Variants in IL31RA observed in about 807,000 individuals in gnomAD.
IL31RA encodes the protein interleukin-31 receptor subunit alpha.
Under a neutral mutation model 83.7 loss-of-function variants are expected in IL31RA, and 66 were observed. That is an observed-to-expected ratio of 0.79 (90% confidence interval 0.65 to 0.97). The LOEUF (loss-of-function observed/expected upper bound fraction) is 0.97. Among genes scored for constraint, IL31RA ranks in the 50% least tolerant of loss-of-function variants. IL31RA has a pLI of 0.00. For synonymous variants in IL31RA, 325 were observed against 329.0 expected, an observed-to-expected ratio of 0.99 and a Z score of 0.13; for missense variants, 798 against 919.4, an observed-to-expected ratio of 0.87 and a Z score of 1.71.
intron 5 of IL31RA, among the ~76,000 whole-genome samples, chr5:55,888,657 A>C (rs919882236): frequency 6.6e-6 from 1 of 152,204 alleles, no homozygotes; most frequent in African/African-American, 2.4e-5. Context: ...CTTTCCTGGC[A>C]GTCTTAATCC....
At chr5:55,870,019 C>T (rs1746419113) in intron 3 of IL31RA, among the ~76,000 whole-genome samples, 1 of 152,112 alleles carries the variant, frequency 6.6e-6, no homozygotes, top group Non-Finnish European at 1.5e-5. Flanking sequence ...CTACGAGAAC[C>T]TATGTCAGAG....
At chr5:55,895,630 C>A (rs1379254703) in intron 6 of IL31RA, among the ~76,000 whole-genome samples, 1 of 152,168 alleles carries the variant, frequency 6.6e-6, no homozygotes, top group Admixed American at 6.5e-5. Flanking sequence ...TGCTTTTGCT[C>A]TATTGGGATT....
At chr5:55,904,498 G>A (rs1353138354) in intron 8 of IL31RA, among the ~76,000 whole-genome samples, 2 of 152,204 alleles carry the variant, frequency 1.3e-5, no homozygotes, top group East Asian at 1.9e-4. Context: ...CTAGGGTTAG[G>A]TGGGGTCAAT....
chr5:55,841,883 A>G, the IL31RA span, among the ~76,000 whole-genome samples: 1 of 151,838 alleles, frequency 6.6e-6, no homozygotes, highest in East Asian at 1.9e-4. Context: ...CAAAATCAAG[A>G]TGTCAGCAGT....
At chr5:55,872,513 A>G (rs1188360245) in intron 4 of IL31RA, 62 bp downstream of exon 4, 9 of 1,204,704 alleles carry the variant, frequency 7.5e-6, no homozygotes, top group Non-Finnish European at 1.1e-5. Flanking sequence ...TCTCTGTTCA[A>G]GAGGTATCTG....
In IL31RA at chr5:55,903,348, A is replaced by C. The variant is rs1396669044; in HGVS notation, c.1070-2758A>C. Among the ~76,000 whole-genome samples, 1 of 152,212 alleles carries C rather than the reference A, an allele frequency of 6.6e-6. No homozygotes were observed. Among genetic ancestry groups the C allele is most frequent in the Non-Finnish European group, 1.5e-5 (1 of 68,028 alleles). ...AGATCACAAGAAATCAATGGCTTTC[A>C]CAGTCAAAGCCCCTCCCTGCTTCTT... On this transcript the variant is annotated intron_variant, in intron 8 of 14. Transcript: ENST00000652347. The surrounding 1 kb of genome is among the most constrained non-coding windows in gnomAD (Gnocchi z 4.7).
upstream of IL31RA, among the ~76,000 whole-genome samples, chr5:55,847,536 C>T (rs1217370715): frequency 6.6e-6 from 1 of 152,024 alleles, no homozygotes; most frequent in East Asian, 1.9e-4. Context: ...GAGCCAAGAT[C>T]GCACCACTAC....
chr5:55,855,153 A>T (rs934482516), intron 1 of IL31RA, among the ~76,000 whole-genome samples: 2 of 151,512 alleles, frequency 1.3e-5, no homozygotes, highest in Non-Finnish European at 2.9e-5. Flanking sequence ...GCCATTTTTT[A>T]TTTTTTTATT....
rs75042965 is a variant in IL31RA, at chr5:55,885,775, C to T, written c.606+2580C>T. ...TCTAAGCCAGCTCTGGAACCATTCT[C>T]TTTGAACCTGCCTACATGGAACATT... is the stretch of plus-strand genomic sequence containing the variant. On this transcript the variant is annotated intron_variant, in intron 5 of 14. Transcript: ENST00000652347. 8.9e-3 allele frequency among the ~76,000 whole-genome samples: 1,351 copies of T among 152,294 alleles called. 10 individuals carry two copies. The highest frequency in any genetic ancestry group is 0.014 in the Non-Finnish European group (968 of 68,024).
At position 55,918,468 on chromosome 5, in the gene IL31RA, AT is replaced by A. The variant is rs1749918872; in HGVS notation, c.*1351del. Among the ~76,000 whole-genome samples the A allele has an allele frequency of 6.6e-6, 1 of 152,088 alleles. No homozygotes were observed. On this transcript the variant is annotated 3_prime_UTR_variant, in exon 15 of 15. Coordinates refer to ENST00000652347, the MANE Select transcript of IL31RA (RefSeq NM_139017.7). ...AAAGTAACCTCAGCCCAGTATGATG[AT>A]TTCTGAGTTGCCGTAGGTTTGTGAC...
intron 5 of IL31RA, among the ~76,000 whole-genome samples, chr5:55,884,138 T>A (rs1747436468): frequency 6.6e-6 from 1 of 152,212 alleles, no homozygotes. Flanking sequence ...GTCTGCCTGA[T>A]TTTTCAATTG....
At chr5:55,895,774 G>A (rs1321842958) in intron 6 of IL31RA, among the ~76,000 whole-genome samples, 1 of 152,032 alleles carries the variant, frequency 6.6e-6, no homozygotes, top group Admixed American at 6.6e-5. Flanking sequence ...CTTTTTATTG[G>A]GCCATGGGAA....
chr5:55,854,761 AATAAAAT>A (rs1259186185), intron 1 of IL31RA, among the ~76,000 whole-genome samples: 4 of 151,412 alleles, frequency 2.6e-5, no homozygotes, highest in African/African-American at 7.3e-5. Flanking sequence ...AAAAAAAAGA[AATAAAAT>A]ATAAAATATG....
At chr5:55,867,181 A>C (rs1232030549) in intron 2 of IL31RA, among the ~76,000 whole-genome samples, 3 of 45,812 alleles carry the variant, frequency 6.5e-5, no homozygotes, top group African/African-American at 2.5e-4. Context: ...GTGTGTGTGC[A>C]TGTGTGTTTG....
intron 2 of IL31RA, among the ~76,000 whole-genome samples, chr5:55,863,942 G>A (rs1745842285): frequency 6.6e-6 from 1 of 152,068 alleles, no homozygotes; most frequent in African/African-American, 2.4e-5. Flanking sequence ...GATTCACTTA[G>A]GTTTGACTGG....
chr5:55,876,812 C>G (rs532332103), intron 4 of IL31RA, among the ~76,000 whole-genome samples: 2 of 152,010 alleles, frequency 1.3e-5, no homozygotes, highest in African/African-American at 4.8e-5. Context: ...TCAGGCTGGT[C>G]TTGAACTTCT....
chr5:55,889,772 T>C (rs977876315), intron 5 of IL31RA, among the ~76,000 whole-genome samples, 198 bp from the exon 6 acceptor site: 24 of 152,306 alleles, frequency 1.6e-4, no homozygotes, highest in African/African-American at 4.3e-4. Context: ...TGGTGGTTCA[T>C]GGGGATGTTC....
the IL31RA span, among the ~76,000 whole-genome samples, chr5:55,843,988 AT>A: frequency 1.2e-3 from 183 of 151,380 alleles, no homozygotes; most frequent in Non-Finnish European, 2.0e-3. Flanking sequence ...TAATTCATGA[AT>A]TTTTTTTTAC....
chr5:55,853,897 G>T (rs921391322), intron 1 of IL31RA, among the ~76,000 whole-genome samples: 1 of 152,158 alleles, frequency 6.6e-6, no homozygotes, highest in African/African-American at 2.4e-5. Flanking sequence ...GTATTTCATG[G>T]CAGGAGAGCT....
Sources: gnomAD v4.1 joint callset for allele counts (sites outside exome capture counted in the v4.1 genomes callset) on GRCh38, gnomAD v4.1.1 for gene constraint, Gnocchi (gnomAD v3.1) non-coding constraint, MANE v1.5 for transcripts, NCBI Gene and HGNC (gene_info 2026-07-23, HGNC 2026-07-21) for gene names.